CES4A: variants seen among roughly 807,000 people sequenced by gnomAD.
The protein encoded by CES4A is carboxylesterase 4A.
CES4A carries 48 observed loss-of-function variants against 65.4 expected under a neutral mutation model. The observed-to-expected ratio is 0.73, with a 90% CI of 0.58 to 0.93. The LOEUF (loss-of-function observed/expected upper bound fraction) is 0.93, where lower values mean the gene tolerates loss of function less well. CES4A is among the 40% of genes least tolerant of loss of function. The pLI, the probability that CES4A is intolerant of heterozygous loss-of-function variation, is 0.00. For synonymous variants in CES4A, 247 were observed against 281.8 expected (o/e 0.88, Z 1.24); for missense variants, 685 against 728.5 (o/e 0.94, Z 0.69).
chr16:67,000,777 C>A lies in CES4A; in HGVS notation c.400C>A (p.Pro134Thr). The change falls in exon 3 of 14, where the codon CCA becomes ACA. Residue 134 changes from proline (P) to threonine (T), a missense_variant and splice_region_variant. By Grantham distance (38) the Pro-to-Thr change is conservative. Coordinates refer to ENST00000648724, the Ensembl canonical transcript of CES4A. The surrounding 1 kb of genome is among the most constrained non-coding windows in gnomAD (Gnocchi z 4.2). ...GCGCGCGCCCGGGGATCCCCAGCTG[C>A]CAGTGAGTGCCAGGTCTCCCGCGCC... The A allele has an allele frequency of 6.5e-7, 1 of 1,549,948 alleles. No homozygotes were observed. The highest frequency in any genetic ancestry group is 1.4e-5 in the African/African-American group (1 of 73,124).
chr16:67,001,841 C>T lies in CES4A; in HGVS notation c.690+380C>T, dbSNP rs1360561537. On this transcript the variant is annotated intron_variant, in intron 5 of 13. Coordinates refer to ENST00000648724, the Ensembl canonical transcript of CES4A. This position sits in a 1 kb window ranked among gnomAD's most constrained non-coding sequence, Gnocchi z 4.1. Reference sequence around the variant, plus strand: ...CCTGCAAGCCAGGGGCATGAGTTGACGGGCTTTGCCCCTGACTCCTGTGTG... The same window carrying T: ...CCTGCAAGCCAGGGGCATGAGTTGATGGGCTTTGCCCCTGACTCCTGTGTG... Among the ~76,000 whole-genome samples, 6 of 152,264 alleles carry T rather than the reference C, an allele frequency of 3.9e-5. No individual in the cohort carries two copies. Among genetic ancestry groups the T allele is most frequent in the Middle Eastern group, 3.2e-3 (1 of 316 alleles).
In CES4A at chr16:67,001,063, G is replaced by A. The variant is rs1419693702; in HGVS notation, c.536+73G>A. The A allele has an allele frequency of 3.9e-6, 4 of 1,017,732 alleles. No individual in the cohort carries two copies. Among genetic ancestry groups the A allele is most frequent in the Middle Eastern group, 6.4e-4 (2 of 3,136 alleles). 63.0% of individuals were successfully genotyped at this position (1,017,732 alleles called of 1,614,324 possible). A position where few individuals can be genotyped will look rare whatever the true frequency, so the allele number is the denominator to read the frequency against. ...GGGGACTGGGTGGGAAGGGAGGGGCGGGGCCTGGGGCGGGGATGGGGGGGG... is the reference window on the plus strand; with the variant it reads ...GGGGACTGGGTGGGAAGGGAGGGGCAGGGCCTGGGGCGGGGATGGGGGGGG... On this transcript the variant is annotated intron_variant, in intron 4 of 13. Transcript: ENST00000648724. The surrounding 1 kb of genome is among the most constrained non-coding windows in gnomAD (Gnocchi z 4.1).
exon 1 of CES4A, chr16:66,988,818 C>A (rs1251608709): frequency 6.4e-7 from 1 of 1,568,106 alleles, no homozygotes; most frequent in Admixed American, 1.8e-5. Flanking sequence ...CCTGATGGCG[C>A]AGACGGCCTT....
chr16:67,004,003 C>A, intron 8 of CES4A, 81 bp from the exon 9 acceptor site: 4 of 1,459,308 alleles, frequency 2.7e-6, no homozygotes, highest in South Asian at 1.2e-5. Context: ...GCTAGAGCAG[C>A]CTCTGAAGGG....
exon 9 of CES4A, chr16:67,004,173 G>A: frequency 1.2e-6 from 2 of 1,614,202 alleles, no homozygotes; most frequent in Middle Eastern, 1.6e-4. Flanking sequence ...TTTCATCTGT[G>A]CCCTACCTTC....
rs1965208049 is a variant in CES4A at position 67,000,547 on chromosome 16, C to G, written c.261-91C>G. The G allele has an allele frequency of 6.8e-7, 1 of 1,481,046 alleles. No homozygotes were observed. The highest frequency in any genetic ancestry group is 2.5e-5 in the East Asian group (1 of 39,926). 91.7% of individuals were successfully genotyped at this position (1,481,046 alleles called of 1,614,324 possible). A position where few individuals can be genotyped will look rare whatever the true frequency, so the allele number is the denominator to read the frequency against. On this transcript the variant is annotated intron_variant, in intron 2 of 13. Coordinates refer to ENST00000648724, the Ensembl canonical transcript of CES4A. This position sits in a 1 kb window ranked among gnomAD's most constrained non-coding sequence, Gnocchi z 4.2. ...CGCACACGCACGCGCACAGACGCTGCCTGGATTTTGCTTTGGGTTCCGTCT... is the reference window on the plus strand; with the variant it reads ...CGCACACGCACGCGCACAGACGCTGGCTGGATTTTGCTTTGGGTTCCGTCT...
intron 1 of CES4A, among the ~76,000 whole-genome samples, chr16:66,992,304 T>C (rs991459967): frequency 3.9e-5 from 6 of 152,240 alleles, no homozygotes; most frequent in Non-Finnish European, 7.3e-5. Context: ...AGGGTCTCCA[T>C]TGCAGTCACT....
chr16:66,997,341 G>C (rs113464574), intron 2 of CES4A, among the ~76,000 whole-genome samples: 1 of 152,132 alleles, frequency 6.6e-6, no homozygotes, highest in Non-Finnish European at 1.5e-5. Context: ...TCAAAACAAT[G>C]GCTGTTTGGA....
At chr16:66,998,103 C>T (rs1429243248) in intron 2 of CES4A, among the ~76,000 whole-genome samples, 2 of 151,720 alleles carry the variant, frequency 1.3e-5, no homozygotes, top group African/African-American at 4.8e-5. Context: ...TGATCATCAG[C>T]ACATCAGTGG....
chr16:66,995,667 A>G (rs1964784659), exon 2 of CES4A: 1 of 1,614,086 alleles, frequency 6.2e-7, no homozygotes, highest in South Asian at 1.1e-5. Flanking sequence ...GTCACCAAAT[A>G]TGGAACCCTG....
chr16:67,006,346 G>A, intron 11 of CES4A, 45 bp from the exon 12 acceptor site: 1 of 1,534,880 alleles, frequency 6.5e-7, no homozygotes, highest in South Asian at 1.2e-5. Flanking sequence ...GAGAAGCCTA[G>A]GCAGAGGCTT....
intron 11 of CES4A, 35 bp downstream of exon 11, chr16:67,005,428 C>T: frequency 6.2e-7 from 1 of 1,604,972 alleles, no homozygotes; most frequent in Middle Eastern, 1.7e-4. Flanking sequence ...CACACTGGCC[C>T]CGTCCACTCT....
Position 67,000,934 on chromosome 16 carries a change from C to T in CES4A, c.480C>T (p.Arg160=), listed in dbSNP as rs1055518078. Reference sequence around the variant, plus strand: ...ACGAGGGCTCTGACTTGGCCGCCCGCGAGAAAGTGGTGCTGGTGTTTCTGC... The same window carrying T: ...ACGAGGGCTCTGACTTGGCCGCCCGTGAGAAAGTGGTGCTGGTGTTTCTGC... Residue 160 remains arginine (R), a synonymous_variant, in exon 4 of 14, where the codon CGC becomes CGT. Coordinates refer to ENST00000648724, the Ensembl canonical transcript of CES4A. The surrounding 1 kb of genome is among the most constrained non-coding windows in gnomAD (Gnocchi z 4.2). 2.7e-5 allele frequency: 43 copies of T among 1,613,200 alleles called. No individual in the cohort carries two copies. Among genetic ancestry groups the T allele is most frequent in the Non-Finnish European group, 3.5e-5 (41 of 1,179,666 alleles).
rs776557939 is a variant in CES4A, at chr16:67,009,033, TG to T, written c.1578del (p.Gln527SerfsTer10). On this transcript the variant is annotated frameshift_variant, in exon 14 of 14. Transcript: ENST00000648724. LOFTEE classifies it low-confidence loss of function (END_TRUNC). ...CGCTACAACAAGGATGAAAAGTACC[TG>T]CAGCTGGATTTTACCACAAGAGTGG... 1 of 1,614,232 alleles carries T rather than the reference TG, an allele frequency of 6.2e-7. No homozygotes were observed. Among genetic ancestry groups the T allele is most frequent in the South Asian group, 1.1e-5 (1 of 91,084 alleles).
chr16:67,002,188 G>A (rs1033809590), intron 5 of CES4A, among the ~76,000 whole-genome samples: 7 of 151,828 alleles, frequency 4.6e-5, no homozygotes, highest in East Asian at 3.8e-4. Context: ...TTTTTGAGAC[G>A]GAGTTTCGCT....
Position 67,001,077 on chromosome 16 carries a change from G to T in CES4A, c.536+87G>T. The T allele has an allele frequency of 1.3e-6, 1 of 749,328 alleles. No individual in the cohort carries two copies. Among genetic ancestry groups the T allele is most frequent in the Non-Finnish European group, 2.1e-6 (1 of 478,206 alleles). 46.4% of individuals were successfully genotyped at this position (749,328 alleles called of 1,614,324 possible). A position where few individuals can be genotyped will look rare whatever the true frequency, so the allele number is the denominator to read the frequency against. ...AAGGGAGGGGCGGGGCCTGGGGCGG[G>T]GATGGGGGGGGTGGGGCCGCGAGGC... On this transcript the variant is annotated intron_variant, in intron 4 of 13. Transcript: ENST00000648724. The surrounding 1 kb of genome is among the most constrained non-coding windows in gnomAD (Gnocchi z 4.1).
chr16:67,001,051 G>T lies in CES4A; in HGVS notation c.536+61G>T, dbSNP rs1022671613. On this transcript the variant is annotated intron_variant, in intron 4 of 13. Coordinates refer to ENST00000648724, the Ensembl canonical transcript of CES4A. This position sits in a 1 kb window ranked among gnomAD's most constrained non-coding sequence, Gnocchi z 4.1. ...GGCCAGAGCGGCGGGGACTGGGTGG[G>T]AAGGGAGGGGCGGGGCCTGGGGCGG... is the stretch of plus-strand genomic sequence containing the variant. The T allele has an allele frequency of 6.0e-6, 6 of 1,005,130 alleles. No homozygotes were observed. The highest frequency in any genetic ancestry group is 9.0e-6 in the Non-Finnish European group (6 of 665,806). The allele number at this position is 1,005,130 out of a possible 1,614,324, so 62.3% of individuals were successfully genotyped here.
At chr16:66,995,361 T>G (rs1318693289) in intron 1 of CES4A, among the ~76,000 whole-genome samples, 1 of 150,226 alleles carries the variant, frequency 6.7e-6, no homozygotes, top group Non-Finnish European at 1.5e-5. Flanking sequence ...AAACGAAACG[T>G]TAAAGGAGAG....
intron 2 of CES4A, 120 bp downstream of exon 2, chr16:66,995,949 C>G: frequency 2.1e-6 from 2 of 936,826 alleles, no homozygotes; most frequent in Middle Eastern, 3.3e-4. Context: ...GCCTGGGGCC[C>G]ATTCTGGGCC....
Sources: allele counts gnomAD v4.1 joint callset (sites outside exome capture counted in the v4.1 genomes callset), GRCh38; gene constraint gnomAD v4.1.1; non-coding constraint Gnocchi (gnomAD v3.1); transcripts MANE v1.5; gene names NCBI Gene and HGNC (gene_info 2026-07-23, HGNC 2026-07-21).